The following SLC25A12 variants were observed in gnomAD, a reference collection of about 807,000 sequenced individuals.
SLC25A12 encodes solute carrier family 25 member 12, also known as electrogenic aspartate/glutamate antiporter SLC25A12, mitochondrial.
Under a neutral mutation model 83.3 loss-of-function variants are expected in SLC25A12, and 32 were observed. The observed-to-expected ratio is 0.38, with a 90% CI of 0.29 to 0.52. SLC25A12 has a LOEUF of 0.52. SLC25A12 is among the 20% of genes least tolerant of loss of function. SLC25A12 has a pLI of 0.84. For missense variants in SLC25A12, 611 were observed against 835.6 expected (o/e 0.73, Z 3.31); for synonymous variants, 267 against 291.1 (o/e 0.92, Z 0.84).
At chr2:171,801,307 T>G (rs1421916821) in intron 13 of SLC25A12, among the ~76,000 whole-genome samples, 2 of 152,196 alleles carry the variant, frequency 1.3e-5, no homozygotes, top group Non-Finnish European at 2.9e-5. Context: ...CTCCAGCATA[T>G]ATTAGCTGTG....
intron 15 of SLC25A12, among the ~76,000 whole-genome samples, chr2:171,789,718 A>T (rs996251859): frequency 6.6e-6 from 1 of 151,988 alleles, no homozygotes; most frequent in Non-Finnish European, 1.5e-5. Context: ...ACATGGTGAA[A>T]CCCTGTCTTT....
intron 12 of SLC25A12, 43 bp from the exon 13 acceptor site, chr2:171,809,729 T>A (rs756236370): frequency 7.1e-7 from 1 of 1,415,504 alleles, no homozygotes; most frequent in Non-Finnish European, 1.0e-6. Context: ...TTCCCAACCA[T>A]TTCTCTTCTG....
chr2:171,829,740 TAG>T (rs1266133730), intron 8 of SLC25A12, among the ~76,000 whole-genome samples: 1 of 152,222 alleles, frequency 6.6e-6, no homozygotes, highest in Non-Finnish European at 1.5e-5. Flanking sequence ...TCATCTCTCA[TAG>T]AGAGACGTTC....
intron 11 of SLC25A12, among the ~76,000 whole-genome samples, chr2:171,812,799 CTTTTT>C (rs5836353): frequency 9.1e-5 from 13 of 143,150 alleles, no homozygotes; most frequent in Non-Finnish European, 1.2e-4. Context: ...AAGGGTTTTC[CTTTTT>C]TTTTTTTTTT....
chr2:171,830,330 T>C (rs554414324), intron 8 of SLC25A12, among the ~76,000 whole-genome samples: 9 of 152,352 alleles, frequency 5.9e-5, no homozygotes, highest in African/African-American at 2.2e-4. Flanking sequence ...TGCTGATATA[T>C]GTAAGAATAT....
At chr2:171,797,675 C>T (rs1463113615) in intron 13 of SLC25A12, among the ~76,000 whole-genome samples, 3 of 151,982 alleles carry the variant, frequency 2.0e-5, no homozygotes, top group Non-Finnish European at 2.9e-5. Context: ...AACTGGTTGG[C>T]GTTAGTTACT....
chr2:171,888,807 G>T (rs1366682546), intron 2 of SLC25A12, among the ~76,000 whole-genome samples: 2 of 152,056 alleles, frequency 1.3e-5, no homozygotes, highest in Non-Finnish European at 2.9e-5. Flanking sequence ...ATTCTTATTT[G>T]AAAGTAGGAA....
At chr2:171,785,521 G>T in intron 17 of SLC25A12, 46 bp from the exon 18 acceptor site, 3 of 1,560,960 alleles carry the variant, frequency 1.9e-6, no homozygotes, top group South Asian at 2.2e-5. Flanking sequence ...CAAGGTGGAT[G>T]AGCGCAGCTT....
intron 8 of SLC25A12, among the ~76,000 whole-genome samples, chr2:171,830,518 A>T (rs1300447526): frequency 1.3e-5 from 2 of 149,762 alleles, no homozygotes; most frequent in Admixed American, 6.7e-5. Flanking sequence ...GTTGCTTTAT[A>T]TTTTTTTTTT....
At chr2:171,824,530 A>AT (rs1455278155) in intron 9 of SLC25A12, among the ~76,000 whole-genome samples, 1 of 152,250 alleles carries the variant, frequency 6.6e-6, no homozygotes, top group Non-Finnish European at 1.5e-5. Context: ...AGCTATATCA[A>AT]TAGACACATG....
intron 8 of SLC25A12, among the ~76,000 whole-genome samples, chr2:171,829,699 C>A (rs1684388878): frequency 6.6e-6 from 1 of 152,180 alleles, no homozygotes; most frequent in Non-Finnish European, 1.5e-5. Flanking sequence ...AGAAAATTTG[C>A]AGATAGGTTC....
At chr2:171,829,385 G>A (rs1464692332) in intron 8 of SLC25A12, among the ~76,000 whole-genome samples, 1 of 152,114 alleles carries the variant, frequency 6.6e-6, no homozygotes, top group African/African-American at 2.4e-5. Flanking sequence ...TTCTAAGGCA[G>A]AACCGGATAT....
chr2:171,871,715 G>C, intron 2 of SLC25A12: 1 of 984,988 alleles, frequency 1.0e-6, no homozygotes. Flanking sequence ...ATCAGGAATA[G>C]CACAGATCAG....
intron 15 of SLC25A12, among the ~76,000 whole-genome samples, chr2:171,791,126 C>G (rs537492223): frequency 9.9e-5 from 15 of 152,146 alleles, no homozygotes; most frequent in Admixed American, 3.9e-4. Flanking sequence ...AACTTTCCCA[C>G]CTTAATGCTT....
intron 13 of SLC25A12, among the ~76,000 whole-genome samples, chr2:171,803,991 T>C (rs1558912185): frequency 6.6e-6 from 1 of 152,092 alleles, no homozygotes; most frequent in African/African-American, 2.4e-5. Context: ...CATACGTATA[T>C]ACCCAAGAGA....
chr2:171,824,290 T>A lies in SLC25A12; in HGVS notation c.930+2508A>T, dbSNP rs75498526. On this transcript the variant is annotated intron_variant, in intron 9 of 17. Coordinates refer to ENST00000422440, the MANE Select transcript of SLC25A12 (RefSeq NM_003705.5). ...CAGTAGCAAAATTACATCACTTTCC[T>A]AAGGATGAAGAAATGTGAAGGATGC... is the stretch of plus-strand genomic sequence containing the variant. Among the ~76,000 whole-genome samples, 24 of 152,234 alleles carry A rather than the reference T, an allele frequency of 1.6e-4. No homozygotes were observed. In the East Asian group the frequency reaches 4.6e-3, roughly 29 times the overall value.
chr2:171,863,640 T>C, intron 3 of SLC25A12, among the ~76,000 whole-genome samples: 1 of 152,156 alleles, frequency 6.6e-6, no homozygotes, highest in African/African-American at 2.4e-5. Flanking sequence ...ATAGAGCAGA[T>C]GGTCATAAAA....
At chr2:171,873,534 T>C (rs530441275) in intron 2 of SLC25A12, among the ~76,000 whole-genome samples, 1 of 152,316 alleles carries the variant, frequency 6.6e-6, no homozygotes, top group East Asian at 1.9e-4. Context: ...CAGTGGGTAC[T>C]TTTACCTATT....
intron 13 of SLC25A12, among the ~76,000 whole-genome samples, chr2:171,803,396 T>C (rs1445340525): frequency 6.6e-6 from 1 of 151,926 alleles, no homozygotes; most frequent in Non-Finnish European, 1.5e-5. Context: ...ATAAAAAATA[T>C]CTGAAAAGGG....
Sources: gnomAD v4.1 joint callset for allele counts (sites outside exome capture counted in the v4.1 genomes callset) on GRCh38, gnomAD v4.1.1 for gene constraint, MANE v1.5 for transcripts, NCBI Gene and HGNC (gene_info 2026-07-23, HGNC 2026-07-21) for gene names.